DEUP1: variants seen among roughly 807,000 people sequenced by gnomAD.
DEUP1 encodes deuterosome assembly protein 1.
Under a neutral mutation model 87.4 loss-of-function variants are expected in DEUP1, and 82 were observed. That is an observed-to-expected ratio of 0.94 (90% confidence interval 0.78 to 1.13). The LOEUF (loss-of-function observed/expected upper bound fraction) is 1.13, where lower values mean the gene tolerates loss of function less well. Ranked by LOEUF, DEUP1 falls within the 50% of genes most tolerant of loss-of-function variation. DEUP1 has a pLI of 0.00. For synonymous variants in DEUP1, 214 were observed against 222.7 expected (o/e 0.96, Z 0.35); for missense variants, 663 against 681.5 (o/e 0.97, Z 0.30).
chr11:93,419,044 AG>A (rs1429080145), intron 13 of DEUP1, among the ~76,000 whole-genome samples: 2 of 103,508 alleles, frequency 1.9e-5, no homozygotes, highest in Non-Finnish European at 4.0e-5. Context: ...GGGTGGCGGG[AG>A]GGGGGAGGGA....
intron 13 of DEUP1, among the ~76,000 whole-genome samples, chr11:93,434,944 G>C (rs1477651408): frequency 6.6e-6 from 1 of 152,118 alleles, no homozygotes; most frequent in Non-Finnish European, 1.5e-5. Flanking sequence ...CCGTCCCAAA[G>C]CTCTATCATG....
At chr11:93,386,868 G>A (rs1391137920) in intron 8 of DEUP1, among the ~76,000 whole-genome samples, 2 of 152,152 alleles carry the variant, frequency 1.3e-5, no homozygotes, top group African/African-American at 4.8e-5. Context: ...ACATTTCACA[G>A]AAGAGCACAC....
At chr11:93,434,278 A>T (rs540488425) in intron 13 of DEUP1, among the ~76,000 whole-genome samples, 1 of 152,320 alleles carries the variant, frequency 6.6e-6, no homozygotes, top group South Asian at 2.1e-4. Flanking sequence ...GACACCTATC[A>T]CTGCCTCACC....
At chr11:93,377,538 A>C (rs564433185) in intron 7 of DEUP1, among the ~76,000 whole-genome samples, 3 of 152,120 alleles carry the variant, frequency 2.0e-5, no homozygotes, top group Non-Finnish European at 2.9e-5. Flanking sequence ...TGAAGACAGC[A>C]GGTACTTGGT....
At chr11:93,427,339 A>G (rs536624906) in intron 13 of DEUP1, among the ~76,000 whole-genome samples, 2 of 152,138 alleles carry the variant, frequency 1.3e-5, no homozygotes, top group South Asian at 4.2e-4. Context: ...CAACCATCTG[A>G]TCTTTGACAA....
intron 13 of DEUP1, among the ~76,000 whole-genome samples, chr11:93,419,934 C>A (rs920650559): frequency 2.6e-5 from 4 of 151,046 alleles, no homozygotes; most frequent in Admixed American, 2.0e-4. Flanking sequence ...AGCTTACCAA[C>A]CAAAAAAGGT....
At chr11:93,337,823 A>G (rs1943850150) in intron 2 of DEUP1, among the ~76,000 whole-genome samples, 2 of 152,242 alleles carry the variant, frequency 1.3e-5, no homozygotes, top group South Asian at 4.1e-4. Context: ...AGTTTAAGGA[A>G]AGATGAAAAA....
upstream of DEUP1, chr11:93,330,179 C>A (rs1339511794): frequency 1.3e-5 from 2 of 152,304 alleles, no homozygotes; most frequent in African/African-American, 4.8e-5. Flanking sequence ...CTAGGGTGAA[C>A]GGAGATAAAA....
chr11:93,373,640 T>TATATATAC (rs1565316505), intron 7 of DEUP1, among the ~76,000 whole-genome samples: 8 of 142,358 alleles, frequency 5.6e-5, no homozygotes, highest in African/African-American at 1.8e-4. Flanking sequence ...TATATATATA[T>TATATATAC]ATATATATAT....
At position 93,408,282 on chromosome 11, in the gene DEUP1, CT is replaced by C. The variant is rs764582950; in HGVS notation, c.1379del (p.Leu460ArgfsTer41). On this transcript the variant is annotated frameshift_variant, in exon 12 of 14. Transcript: ENST00000298050. LOFTEE classifies it high-confidence loss of function. ...GTCAAGGCATACATCTATTAATAAACTGCAATATGAGAATGAAAGGCTCCGA... is the reference window on the plus strand; with the variant it reads ...GTCAAGGCATACATCTATTAATAAACGCAATATGAGAATGAAAGGCTCCGA... ...EQSRHTSINK[L>X]QYENERLRND... 1.3e-6 allele frequency: 2 copies of C among 1,585,254 alleles called. No homozygotes were observed. The highest frequency in any genetic ancestry group is 1.2e-5 in the South Asian group (1 of 86,646).
intron 4 of DEUP1, among the ~76,000 whole-genome samples, chr11:93,359,719 TAAC>T (rs1240093609): frequency 6.6e-6 from 1 of 152,116 alleles, no homozygotes; most frequent in East Asian, 1.9e-4. Flanking sequence ...CACTTTTAGA[TAAC>T]AACCTCTCTA....
chr11:93,364,308 T>G lies in DEUP1; in HGVS notation c.432+14T>G. 6.2e-7 allele frequency: 1 copy of G among 1,600,890 alleles called. No homozygotes were observed. Among genetic ancestry groups the G allele is most frequent in the Non-Finnish European group, 8.6e-7 (1 of 1,169,486 alleles). ...CAGAAATTAGAGGTGAGATATATTATCTTAGTTTCTTCATGTGTATTAAAG... is the reference window on the plus strand; with the variant it reads ...CAGAAATTAGAGGTGAGATATATTAGCTTAGTTTCTTCATGTGTATTAAAG... On this transcript the variant is annotated intron_variant, in intron 5 of 13. Transcript: ENST00000298050.
intron 13 of DEUP1, 146 bp from the exon 14 acceptor site, chr11:93,437,397 T>C (rs1948278096): frequency 1.8e-5 from 11 of 602,862 alleles, no homozygotes; most frequent in Non-Finnish European, 2.6e-5. Context: ...TGAATTACAC[T>C]AGTAGTGGGA....
chr11:93,384,151 C>A (rs1206118746), intron 7 of DEUP1, among the ~76,000 whole-genome samples: 6 of 152,180 alleles, frequency 3.9e-5, no homozygotes, highest in Non-Finnish European at 8.8e-5. Context: ...AATGAGCACT[C>A]AACACTGCCC....
intron 2 of DEUP1, among the ~76,000 whole-genome samples, chr11:93,342,916 G>T (rs969708423): frequency 3.6e-4 from 55 of 152,208 alleles, no homozygotes; most frequent in African/African-American, 1.2e-3. Flanking sequence ...GCAACTGGTA[G>T]CAGTGGCAGC....
chr11:93,392,487 G>C (rs1946795706), intron 9 of DEUP1, among the ~76,000 whole-genome samples: 1 of 152,040 alleles, frequency 6.6e-6, no homozygotes, highest in African/African-American at 2.4e-5. Flanking sequence ...AAAAAGAGAG[G>C]CTTTAAAAAG....
intron 7 of DEUP1, among the ~76,000 whole-genome samples, chr11:93,375,130 T>G (rs1244670306): frequency 6.6e-6 from 1 of 152,118 alleles, no homozygotes; most frequent in Non-Finnish European, 1.5e-5. Context: ...CTGATTTTTG[T>G]ACATTGATTT....
Position 93,364,816 on chromosome 11 carries a change from T to C in DEUP1, c.432+522T>C, listed in dbSNP as rs189053952. Among the ~76,000 whole-genome samples the C allele has an allele frequency of 3.2e-3, 488 of 152,190 alleles. 5 individuals carry two copies. The highest frequency in any genetic ancestry group is 6.0e-3 in the Non-Finnish European group (411 of 67,958). On this transcript the variant is annotated intron_variant, in intron 5 of 13. Transcript: ENST00000298050. ...AAAATTCACTATGTCCTCATAACTA[T>C]ATATATCTACTATGTACCCACAAAA...
At chr11:93,390,953 G>A (rs2134346711) in intron 9 of DEUP1, among the ~76,000 whole-genome samples, 1 of 152,004 alleles carries the variant, frequency 6.6e-6, no homozygotes, top group Middle Eastern at 3.4e-3. Flanking sequence ...GCGGTGGCAG[G>A]CGCCTGTAAT....
Sources: gnomAD v4.1 joint callset for allele counts (sites outside exome capture counted in the v4.1 genomes callset) on GRCh38, gnomAD v4.1.1 for gene constraint, MANE v1.5 for transcripts, NCBI Gene and HGNC (gene_info 2026-07-23, HGNC 2026-07-21) for gene names.